TPD52: variants seen among roughly 807,000 people sequenced by gnomAD.
TPD52 encodes tumor protein D52, also known as prostate and colon associated protein.
A neutral mutation model predicts 31.3 loss-of-function variants in TPD52; 17 were observed. That is an observed-to-expected ratio of 0.54 (90% CI 0.37 to 0.82). TPD52 has a LOEUF of 0.82. TPD52 is among the 40% of genes least tolerant of loss of function. TPD52 has a pLI of 0.00. For synonymous variants in TPD52, 83 were observed against 89.6 expected (o/e 0.93, Z 0.42); for missense variants, 212 against 240.1 (o/e 0.88, Z 0.77).
chr8:80,170,907 TA>T lies in TPD52; in HGVS notation c.19+517del, dbSNP rs1812036688. ...CACAATCTGGGGGTTTCTAGTATGA[TA>T]AATATCTGCCTCCCAAACCCCCCAT... On this transcript the variant is annotated intron_variant, in intron 1 of 7. Coordinates refer to ENST00000518937, the MANE Select transcript of TPD52 (RefSeq NM_001025253.3). 12 of 299,350 alleles carry T rather than the reference TA, an allele frequency of 4.0e-5. 1 individual carries two copies. Among genetic ancestry groups the T allele is most frequent in the South Asian group, 3.4e-4 (12 of 35,672 alleles). 18.5% of individuals were successfully genotyped at this position (299,350 alleles called of 1,614,324 possible).
intron 1 of TPD52, among the ~76,000 whole-genome samples, chr8:80,124,730 C>T (rs1321927691): frequency 6.6e-6 from 1 of 152,056 alleles, no homozygotes; most frequent in Non-Finnish European, 1.5e-5. Context: ...AAGAATAGCA[C>T]TATCTAAATG....
chr8:80,133,719 G>A lies in TPD52; in HGVS notation c.19+37706C>T, dbSNP rs544037025. On this transcript the variant is annotated intron_variant, in intron 1 of 7. Transcript: ENST00000518937. Reference sequence around the variant, plus strand: ...AATGGAGCCCTACAGAAACTATCTCGATTTCATCAAGTTCAAGAGTCCAGG... The same window carrying A: ...AATGGAGCCCTACAGAAACTATCTCAATTTCATCAAGTTCAAGAGTCCAGG... 1.3e-4 allele frequency among the ~76,000 whole-genome samples: 19 copies of A among 149,384 alleles called. No individual in the cohort carries two copies. In the South Asian group the frequency reaches 2.3e-3, roughly 18 times the overall value.
chr8:80,077,593 C>A (rs923775780), intron 1 of TPD52, among the ~76,000 whole-genome samples: 4 of 152,140 alleles, frequency 2.6e-5, no homozygotes, highest in African/African-American at 9.7e-5. Context: ...AACAAAAAAC[C>A]AAACCACTAG....
At chr8:80,139,413 G>GA (rs10715571) in intron 1 of TPD52, among the ~76,000 whole-genome samples, 3 of 151,282 alleles carry the variant, frequency 2.0e-5, no homozygotes, top group Non-Finnish European at 3.0e-5. Context: ...GTATTTTTAT[G>GA]AAAAAAAAAA....
intron 1 of TPD52, among the ~76,000 whole-genome samples, chr8:80,088,575 G>T (rs1409417362): frequency 6.6e-6 from 1 of 151,974 alleles, no homozygotes; most frequent in East Asian, 1.9e-4. Flanking sequence ...TCTCACCCCT[G>T]TCTGAAGCTG....
intron 1 of TPD52, among the ~76,000 whole-genome samples, chr8:80,158,243 C>T (rs924592702): frequency 9.9e-5 from 15 of 151,934 alleles, no homozygotes; most frequent in Non-Finnish European, 1.5e-4. Flanking sequence ...CCAGCCCTCC[C>T]ATTCTCCTCC....
At chr8:80,094,434 A>ATATATATATATATATATATATT (rs1816541439) in intron 1 of TPD52, among the ~76,000 whole-genome samples, 2 of 8,762 alleles carry the variant, frequency 2.3e-4, no homozygotes, top group African/African-American at 1.0e-3. Context: ...AAAATTTTAT[A>ATATATATATATATATATATATT]TATATATATA....
intron 1 of TPD52, among the ~76,000 whole-genome samples, chr8:80,080,028 AC>A (rs1280401093): frequency 6.6e-6 from 1 of 152,192 alleles, no homozygotes; most frequent in Non-Finnish European, 1.5e-5. Flanking sequence ...TTTGTTATTT[AC>A]CAGCTCAACA....
At chr8:80,119,385 T>C (rs113854516) in intron 1 of TPD52, among the ~76,000 whole-genome samples, 100 of 152,332 alleles carry the variant, frequency 6.6e-4, no homozygotes, top group African/African-American at 2.3e-3. Context: ...CAATGAATTA[T>C]AGATTGAATG....
intron 1 of TPD52, chr8:80,080,895 T>C (rs6983341): frequency 0.016 from 5,830 of 359,728 alleles, 306 homozygotes; most frequent in African/African-American, 0.12. Flanking sequence ...CAGCTGACCA[T>C]GACTACACCA....
At chr8:80,055,731 C>G (rs1406567008) in intron 2 of TPD52, among the ~76,000 whole-genome samples, 2 of 152,102 alleles carry the variant, frequency 1.3e-5, no homozygotes, top group Non-Finnish European at 1.5e-5. Context: ...GGCAAAGGAT[C>G]TAAATAGACA....
At chr8:80,128,494 C>CAAAAAAAAAAAAAAA (rs3053828) in intron 1 of TPD52, among the ~76,000 whole-genome samples, 3 of 83,124 alleles carry the variant, frequency 3.6e-5, no homozygotes, top group African/African-American at 1.1e-4. Context: ...CCTGTCTCTA[C>CAAAAAAAAAAAAAAA]AAAAAAAAAA....
intron 2 of TPD52, among the ~76,000 whole-genome samples, chr8:80,057,919 C>T (rs1209299803): frequency 4.6e-5 from 7 of 152,150 alleles, no homozygotes; most frequent in Non-Finnish European, 1.0e-4. Context: ...TAGCTGGTAA[C>T]TTCATTTGTT....
At chr8:80,123,523 G>A (rs757830266) in intron 1 of TPD52, among the ~76,000 whole-genome samples, 45 of 152,146 alleles carry the variant, frequency 3.0e-4, no homozygotes, top group Non-Finnish European at 5.9e-4. Context: ...CCCAGGAGTC[G>A]GAGACAAGCC....
intron 2 of TPD52, among the ~76,000 whole-genome samples, chr8:80,062,198 A>G (rs1812623561): frequency 6.6e-6 from 1 of 152,360 alleles, no homozygotes; most frequent in African/African-American, 2.4e-5. Flanking sequence ...ATAGTGTGAT[A>G]CTGTCAAAAG....
At chr8:80,080,919 C>A (rs575800265) in intron 1 of TPD52, 7 of 238,410 alleles carry the variant, frequency 2.9e-5, no homozygotes, top group African/African-American at 1.6e-4. Context: ...CAGACTTAAT[C>A]TTCTAGGACA....
At chr8:80,093,127 G>A (rs1816417595) in intron 1 of TPD52, among the ~76,000 whole-genome samples, 1 of 152,102 alleles carries the variant, frequency 6.6e-6, no homozygotes, top group Non-Finnish European at 1.5e-5. Context: ...TCACAACAGG[G>A]TGTGCACATG....
intron 1 of TPD52, among the ~76,000 whole-genome samples, chr8:80,159,620 T>A (rs1006147873): frequency 6.6e-6 from 1 of 152,230 alleles, no homozygotes; most frequent in Admixed American, 6.5e-5. Flanking sequence ...AGGGATACTG[T>A]TAGCATCTGC....
intron 1 of TPD52, among the ~76,000 whole-genome samples, chr8:80,158,182 T>C (rs1452755567): frequency 6.6e-6 from 1 of 151,634 alleles, no homozygotes; most frequent in Non-Finnish European, 1.5e-5. Context: ...CCCTTTCCGG[T>C]TGCCTTCCCT....
Sources: allele counts gnomAD v4.1 joint callset (sites outside exome capture counted in the v4.1 genomes callset), GRCh38; gene constraint gnomAD v4.1.1; transcripts MANE v1.5; gene names NCBI Gene and HGNC (gene_info 2026-07-23, HGNC 2026-07-21).